Variants in PLA2G4A observed in about 807,000 individuals in gnomAD.
The protein encoded by PLA2G4A is cytosolic phospholipase A2.
PLA2G4A carries 40 observed loss-of-function variants against 81.9 expected under a neutral mutation model. The ratio of observed to expected loss-of-function variants is 0.49; its 90% CI spans 0.38 to 0.64. PLA2G4A has a LOEUF of 0.64. PLA2G4A is among the 30% of genes least tolerant of loss of function. PLA2G4A has a pLI of 0.00. For synonymous variants in PLA2G4A, 302 were observed against 296.9 expected, an observed-to-expected ratio of 1.02 and a Z score of -0.18; for missense variants, 715 against 905.1, an observed-to-expected ratio of 0.79 and a Z score of 2.69.
At chr1:186,851,544 T>C (rs1320112538) in intron 1 of PLA2G4A, among the ~76,000 whole-genome samples, 1 of 152,032 alleles carries the variant, frequency 6.6e-6, no homozygotes, top group Non-Finnish European at 1.5e-5. Context: ...TTGAATTTAG[T>C]TGGCACGAAA....
intron 17 of PLA2G4A, among the ~76,000 whole-genome samples, chr1:186,982,620 C>T (rs1657757740): frequency 6.6e-6 from 1 of 151,962 alleles, no homozygotes; most frequent in South Asian, 2.1e-4. Context: ...TGAAGGTAGG[C>T]TTTTTCCTGA....
intron 5 of PLA2G4A, among the ~76,000 whole-genome samples, chr1:186,899,459 G>T (rs375078861): frequency 6.6e-6 from 1 of 152,076 alleles, no homozygotes; most frequent in Non-Finnish European, 1.5e-5. Flanking sequence ...TCTCTAAAGG[G>T]GCAGAAGGTA....
chr1:186,867,349 C>T (rs752689025), intron 2 of PLA2G4A, among the ~76,000 whole-genome samples: 1 of 152,078 alleles, frequency 6.6e-6, no homozygotes. Flanking sequence ...AATATCTCTC[C>T]ATTTATTTAG....
chr1:186,988,860 C>G lies in PLA2G4A; in HGVS notation c.*352C>G, dbSNP rs2102312863. On this transcript the variant is annotated 3_prime_UTR_variant, in exon 18 of 18. Coordinates refer to ENST00000367466, the MANE Select transcript of PLA2G4A (RefSeq NM_024420.3). ...ATTTAACAGTTCAATCTCAATAAGACCTCGCATTATGTATGAATGTTATTC... is the reference window on the plus strand; with the variant it reads ...ATTTAACAGTTCAATCTCAATAAGAGCTCGCATTATGTATGAATGTTATTC... The G allele has an allele frequency of 4.9e-6, 1 of 204,878 alleles. No homozygotes were observed. Among genetic ancestry groups the G allele is most frequent in the African/African-American group, 2.3e-5 (1 of 43,096 alleles). The allele number at this position is 204,878 out of a possible 1,614,324, so 12.7% of individuals were successfully genotyped here.
At chr1:186,892,873 G>A in intron 3 of PLA2G4A, 138 bp from the exon 4 acceptor site, 2 of 688,890 alleles carry the variant, frequency 2.9e-6, no homozygotes, top group Non-Finnish European at 5.1e-6. Flanking sequence ...TCTATTATGT[G>A]TATATTATCT....
intron 2 of PLA2G4A, among the ~76,000 whole-genome samples, chr1:186,856,609 A>G (rs939231616): frequency 3.3e-5 from 5 of 151,916 alleles, no homozygotes; most frequent in African/African-American, 4.8e-5. Flanking sequence ...CCAGGCTGGT[A>G]TTGAACTCCT....
chr1:186,944,476 T>C (rs1190888735), intron 10 of PLA2G4A, among the ~76,000 whole-genome samples: 1 of 152,188 alleles, frequency 6.6e-6, no homozygotes, highest in African/African-American at 2.4e-5. Context: ...AGGAAATTAC[T>C]TGTATGAATA....
At position 186,931,395 on chromosome 1, in the gene PLA2G4A, T is replaced by G. The variant is rs375011283; in HGVS notation, c.559-1368T>G. Reference sequence around the variant, plus strand: ...CTAGTGTTTTTTGATTTAAGACCACTTGTTAGAGTACAGCTCTGGGTTAGG... The same window carrying G: ...CTAGTGTTTTTTGATTTAAGACCACGTGTTAGAGTACAGCTCTGGGTTAGG... On this transcript the variant is annotated intron_variant, in intron 7 of 17. Coordinates refer to ENST00000367466, the MANE Select transcript of PLA2G4A (RefSeq NM_024420.3). Among the ~76,000 whole-genome samples the G allele has an allele frequency of 3.0e-4, 46 of 152,260 alleles. No individual in the cohort carries two copies. The South Asian group carries it at 9.3e-3, about 31-fold the overall frequency.
chr1:186,965,971 A>G (rs1187790744), intron 15 of PLA2G4A, among the ~76,000 whole-genome samples: 1 of 152,114 alleles, frequency 6.6e-6, no homozygotes, highest in African/African-American at 2.4e-5. Context: ...AACAAGGGGA[A>G]AGGAGGAGAA....
chr1:186,883,746 A>C (rs1476126349), intron 3 of PLA2G4A, among the ~76,000 whole-genome samples: 3 of 152,174 alleles, frequency 2.0e-5, no homozygotes, highest in Admixed American at 2.0e-4. Context: ...AATTGCACCA[A>C]GGATGTTGCA....
At chr1:186,906,473 A>G (rs911044818) in intron 5 of PLA2G4A, among the ~76,000 whole-genome samples, 2 of 152,170 alleles carry the variant, frequency 1.3e-5, no homozygotes. Context: ...ACTGCCTGCC[A>G]TGAATGGGTG....
At chr1:186,957,672 G>C (rs979314214) in intron 14 of PLA2G4A, among the ~76,000 whole-genome samples, 2 of 152,204 alleles carry the variant, frequency 1.3e-5, no homozygotes, top group African/African-American at 4.8e-5. Context: ...AGAAAGGTTA[G>C]GTAACTTTCT....
intron 13 of PLA2G4A, among the ~76,000 whole-genome samples, chr1:186,955,521 G>T (rs1161738248): frequency 6.6e-6 from 1 of 152,018 alleles, no homozygotes; most frequent in Admixed American, 6.6e-5. Context: ...AGGGAAGGGG[G>T]AACATGAAAG....
chr1:186,838,181 T>C (rs1230392243), intron 1 of PLA2G4A, among the ~76,000 whole-genome samples: 2 of 152,120 alleles, frequency 1.3e-5, no homozygotes, highest in Admixed American at 6.5e-5. Context: ...TTTGAGAATA[T>C]GGACTTAAAT....
chr1:186,833,606 A>G (rs1651675030), intron 1 of PLA2G4A, among the ~76,000 whole-genome samples: 1 of 152,146 alleles, frequency 6.6e-6, no homozygotes, highest in African/African-American at 2.4e-5. Flanking sequence ...CTCTGATACC[A>G]TTACCTGCCT....
intron 5 of PLA2G4A, among the ~76,000 whole-genome samples, chr1:186,905,309 T>C (rs980859707): frequency 6.6e-6 from 1 of 152,292 alleles, no homozygotes; most frequent in African/African-American, 2.4e-5. Flanking sequence ...TAATTGTTAA[T>C]GTTATTTCCA....
chr1:186,967,439 T>TACAGAA (rs1657171026), intron 15 of PLA2G4A, among the ~76,000 whole-genome samples: 1 of 152,122 alleles, frequency 6.6e-6, no homozygotes. Flanking sequence ...ACCAGCTGCC[T>TACAGAA]TCTTTGTGCA....
intron 2 of PLA2G4A, among the ~76,000 whole-genome samples, chr1:186,860,583 C>T (rs1414908311): frequency 6.6e-6 from 1 of 152,068 alleles, no homozygotes; most frequent in Admixed American, 6.6e-5. Flanking sequence ...TTAGAAATAC[C>T]CTCACAGGCA....
intron 2 of PLA2G4A, among the ~76,000 whole-genome samples, chr1:186,855,819 G>T (rs1448821645): frequency 6.6e-6 from 1 of 152,038 alleles, no homozygotes; most frequent in Non-Finnish European, 1.5e-5. Flanking sequence ...TACCATATAT[G>T]TGTGGCTTCA....
Sources: gnomAD v4.1 joint callset for allele counts (sites outside exome capture counted in the v4.1 genomes callset) on GRCh38, gnomAD v4.1.1 for gene constraint, MANE v1.5 for transcripts, NCBI Gene and HGNC (gene_info 2026-07-23, HGNC 2026-07-21) for gene names.